PTPRD: variants seen among roughly 807,000 people sequenced by gnomAD.
PTPRD encodes the protein protein tyrosine phosphatase receptor type D.
A neutral mutation model predicts 214.5 loss-of-function variants in PTPRD; 34 were observed. The observed-to-expected ratio is 0.16, with a 90% CI of 0.12 to 0.21. PTPRD has a LOEUF of 0.21. Among genes scored for constraint, PTPRD ranks in the 10% least tolerant of loss-of-function variants. The pLI, the probability that PTPRD is intolerant of heterozygous loss-of-function variation, is 1.00. For missense variants in PTPRD, 2,545 were observed against 2,398.7 expected, an observed-to-expected ratio of 1.06 and a Z score of -1.27; for synonymous variants, 1,128 against 845.7, an observed-to-expected ratio of 1.33 and a Z score of -5.79.
chr9:8,344,143 A>C (rs1202498565), intron 39 of PTPRD, among the ~76,000 whole-genome samples: 1 of 152,080 alleles, frequency 6.6e-6, no homozygotes, highest in African/African-American at 2.4e-5. Flanking sequence ...GACTCCAAGT[A>C]ACATCTTTCG....
chr9:8,650,512 C>CA (rs2096786124), intron 12 of PTPRD, among the ~76,000 whole-genome samples: 1 of 73,274 alleles, frequency 1.4e-5, no homozygotes, highest in Non-Finnish European at 2.8e-5. Context: ...GCAAAAAGAG[C>CA]AAAAAACTCC....
chr9:8,611,713 A>G lies in PTPRD; in HGVS notation c.352+21604T>C, dbSNP rs2095452844. Among the ~76,000 whole-genome samples the G allele has an allele frequency of 2.0e-5, 3 of 151,856 alleles. No homozygotes were observed. In the South Asian group the frequency reaches 6.3e-4, roughly 32 times the overall value. On this transcript the variant is annotated intron_variant, in intron 14 of 45. Transcript: ENST00000381196. ...GACAGGGCAAGACCCTGTCAAAAGA[A>G]AAAAAGAAAAGACAAAAGAAAAAAG... is the stretch of plus-strand genomic sequence containing the variant.
chr9:8,599,765 G>T (rs1216566558), intron 14 of PTPRD, among the ~76,000 whole-genome samples: 1 of 151,716 alleles, frequency 6.6e-6, no homozygotes, highest in Non-Finnish European at 1.5e-5. Context: ...TTACAGGCGT[G>T]CGCCACCACG....
chr9:8,776,445 G>C (rs150834010), intron 11 of PTPRD, among the ~76,000 whole-genome samples: 1 of 152,114 alleles, frequency 6.6e-6, no homozygotes, highest in Admixed American at 6.5e-5. Context: ...GGGACTACAG[G>C]TGCACACTAC....
intron 10 of PTPRD, among the ~76,000 whole-genome samples, chr9:9,069,547 T>C (rs145322841): frequency 7.6e-4 from 115 of 152,284 alleles, no homozygotes; most frequent in African/African-American, 2.5e-3. Context: ...CTACCTTAAC[T>C]GTTCAGTAAC....
At chr9:8,574,943 T>A (rs910117623) in intron 14 of PTPRD, among the ~76,000 whole-genome samples, 1 of 152,072 alleles carries the variant, frequency 6.6e-6, no homozygotes, top group African/African-American at 2.4e-5. Flanking sequence ...AAAAAATCAA[T>A]ATCATATAAA....
intron 11 of PTPRD, among the ~76,000 whole-genome samples, chr9:8,927,734 T>G (rs769111860): frequency 7.9e-5 from 12 of 152,182 alleles, no homozygotes; most frequent in African/African-American, 1.4e-4. Context: ...GAAATGGGAT[T>G]GCTGGGTCAA....
At chr9:9,037,980 A>G (rs2099627308) in intron 10 of PTPRD, among the ~76,000 whole-genome samples, 1 of 152,196 alleles carries the variant, frequency 6.6e-6, no homozygotes, top group African/African-American at 2.4e-5. Context: ...TTCATCATCT[A>G]TAAAATGAGA....
At chr9:10,036,870 A>C (rs1034819380) in intron 3 of PTPRD, among the ~76,000 whole-genome samples, 2 of 115,198 alleles carry the variant, frequency 1.7e-5, no homozygotes, top group Non-Finnish European at 3.6e-5. Context: ...GCCTGAGCCA[A>C]ATTTTTATTA....
intron 4 of PTPRD, among the ~76,000 whole-genome samples, chr9:9,973,401 A>G (rs1230976318): frequency 6.6e-6 from 1 of 151,908 alleles, no homozygotes. Context: ...AACCCAGGAG[A>G]CAAGAGTTTT....
chr9:9,310,757 A>C (rs1236550232), intron 9 of PTPRD, among the ~76,000 whole-genome samples: 1 of 151,944 alleles, frequency 6.6e-6, no homozygotes, highest in African/African-American at 2.4e-5. Flanking sequence ...GTCTCTACTA[A>C]AAATACAAAA....
intron 7 of PTPRD, among the ~76,000 whole-genome samples, chr9:9,578,990 C>T (rs1013685873): frequency 1.3e-5 from 2 of 152,034 alleles, no homozygotes; most frequent in African/African-American, 4.8e-5. Flanking sequence ...ATAGATAAAA[C>T]TGAGCTATAA....
At chr9:8,889,893 C>T (rs2098524014) in intron 11 of PTPRD, among the ~76,000 whole-genome samples, 1 of 152,098 alleles carries the variant, frequency 6.6e-6, no homozygotes, top group South Asian at 2.1e-4. Context: ...CATATTTTTG[C>T]AATTGCAAAT....
chr9:8,726,935 C>T (rs1425961357), intron 12 of PTPRD, among the ~76,000 whole-genome samples: 2 of 151,410 alleles, frequency 1.3e-5, no homozygotes, highest in Admixed American at 1.3e-4. Flanking sequence ...TGTGCCACTG[C>T]ACTACTCCAG....
chr9:9,620,325 T>C (rs2095168405), intron 7 of PTPRD, among the ~76,000 whole-genome samples: 1 of 150,084 alleles, frequency 6.7e-6, no homozygotes, highest in East Asian at 1.9e-4. Flanking sequence ...GCCAAATTGT[T>C]CTTTAATCTA....
intron 7 of PTPRD, among the ~76,000 whole-genome samples, chr9:9,608,670 G>GT (rs1408692125): frequency 6.6e-6 from 1 of 152,150 alleles, no homozygotes; most frequent in Non-Finnish European, 1.5e-5. Context: ...TACAATTTAT[G>GT]TTTTTTGTCT....
chr9:9,538,580 G>A (rs557512915), intron 8 of PTPRD, among the ~76,000 whole-genome samples: 1 of 151,988 alleles, frequency 6.6e-6, no homozygotes, highest in South Asian at 2.1e-4. Context: ...ACCCAACTCA[G>A]TAATGCTATG....
intron 11 of PTPRD, among the ~76,000 whole-genome samples, chr9:8,922,145 G>A (rs1382326615): frequency 6.6e-6 from 1 of 152,142 alleles, no homozygotes; most frequent in African/African-American, 2.4e-5. Context: ...GGATTAAAAG[G>A]ATGTATTTTG....
intron 7 of PTPRD, among the ~76,000 whole-genome samples, chr9:9,628,524 G>T (rs1420517736): frequency 2.0e-5 from 3 of 152,126 alleles, no homozygotes; most frequent in African/African-American, 7.2e-5. Context: ...GCTACACAGA[G>T]TTCCTAGAAC....
Sources: allele counts gnomAD v4.1 joint callset (sites outside exome capture counted in the v4.1 genomes callset), GRCh38; gene constraint gnomAD v4.1.1; transcripts MANE v1.5; gene names NCBI Gene and HGNC (gene_info 2026-07-23, HGNC 2026-07-21).